The following RAPGEF6 variants were observed in gnomAD, a reference collection of about 807,000 sequenced individuals.
The protein encoded by RAPGEF6 is PDZ domain containing guanine nucleotide exchange factor (GEF) 2.
RAPGEF6 carries 56 observed loss-of-function variants against 171.4 expected under a neutral mutation model. The observed-to-expected ratio is 0.33, with a 90% CI of 0.26 to 0.41. The LOEUF (loss-of-function observed/expected upper bound fraction) is 0.41. RAPGEF6 is among the 10% of genes least tolerant of loss of function. RAPGEF6 has a pLI of 1.00. For synonymous variants in RAPGEF6, 692 were observed against 650.1 expected, an observed-to-expected ratio of 1.06 and a Z score of -0.98; for missense variants, 1,674 against 1,921.4, an observed-to-expected ratio of 0.87 and a Z score of 2.41.
At chr5:131,543,916 G>T (rs1308403712) in intron 6 of RAPGEF6, among the ~76,000 whole-genome samples, 1 of 151,992 alleles carries the variant, frequency 6.6e-6, no homozygotes, top group Non-Finnish European at 1.5e-5. Flanking sequence ...TTTTACAAAA[G>T]AATATGAATA....
intron 14 of RAPGEF6, among the ~76,000 whole-genome samples, chr5:131,491,917 C>T (rs1391691055): frequency 1.3e-5 from 2 of 152,274 alleles, no homozygotes; most frequent in African/African-American, 4.8e-5. Flanking sequence ...GACATCATTG[C>T]TTAAGAATGT....
intron 6 of RAPGEF6, among the ~76,000 whole-genome samples, chr5:131,539,888 G>T (rs983350377): frequency 1.3e-5 from 2 of 152,188 alleles, no homozygotes; most frequent in African/African-American, 4.8e-5. Context: ...TGAAAAAGTA[G>T]ATTCTAGCGT....
intron 1 of RAPGEF6, among the ~76,000 whole-genome samples, chr5:131,621,553 A>G (rs942140990): frequency 3.3e-5 from 5 of 151,934 alleles, no homozygotes; most frequent in Middle Eastern, 3.2e-3. Context: ...TCAGCCCCCA[A>G]TGTTTTGGGA....
chr5:131,450,172 A>ATG, intron 21 of RAPGEF6: 1 of 1,036,642 alleles, frequency 9.6e-7, no homozygotes, highest in Non-Finnish European at 1.4e-6. Context: ...TCAGGAAAAA[A>ATG]TTACAGCTTA....
chr5:131,523,823 C>CAAAA (rs1336529908), intron 6 of RAPGEF6, among the ~76,000 whole-genome samples: 1 of 68,150 alleles, frequency 1.5e-5, no homozygotes, highest in Non-Finnish European at 3.9e-5. Context: ...AAACCCACCC[C>CAAAA]AAAACAAACA....
rs772557227 is a variant in RAPGEF6 at position 131,548,032 on chromosome 5, C to A, written c.495+15G>T. The A allele has an allele frequency of 6.2e-7, 1 of 1,610,734 alleles. No homozygotes were observed. Among genetic ancestry groups the A allele is most frequent in the Non-Finnish European group, 8.5e-7 (1 of 1,178,384 alleles). On this transcript the variant is annotated intron_variant, in intron 6 of 27. Transcript: ENST00000509018. ...AATTAAGGAAGATTCATGAAGTGTTCCTAAATATACTCACAGAAAGATAGC... is the reference window on the plus strand; with the variant it reads ...AATTAAGGAAGATTCATGAAGTGTTACTAAATATACTCACAGAAAGATAGC...
At chr5:131,495,299 A>G (rs1351190970) in intron 13 of RAPGEF6, among the ~76,000 whole-genome samples, 2 of 123,490 alleles carry the variant, frequency 1.6e-5, no homozygotes, top group African/African-American at 3.2e-5. Context: ...TCTCAAAAAA[A>G]AAACAAATAA....
chr5:131,433,434 G>A lies in RAPGEF6; in HGVS notation c.3970C>T (p.Pro1324Ser), dbSNP rs1313225375. The change falls in exon 25 of 28, where the codon CCT becomes TCT. Residue 1324 changes from proline (P) to serine (S), a missense_variant. Pro to Ser is a moderately conservative substitution (Grantham distance 74). Transcript: ENST00000509018. The stretch of plus-strand genomic sequence containing the variant: ...AACACAGACAATGATGCTTACCCAG[G>A]GCCATGTTGACTATGATCTCCTATC... Reference protein sequence around the residue: ...SGIGDHSQHGPGWTLLKPSLI... With the variant: ...SGIGDHSQHGSGWTLLKPSLI... 1.2e-6 allele frequency: 2 copies of A among 1,608,022 alleles called. No homozygotes were observed. Among genetic ancestry groups the A allele is most frequent in the Admixed American group, 1.7e-5 (1 of 59,998 alleles).
chr5:131,577,636 T>C (rs1451344113), intron 4 of RAPGEF6, among the ~76,000 whole-genome samples: 1 of 152,148 alleles, frequency 6.6e-6, no homozygotes, highest in Non-Finnish European at 1.5e-5. Context: ...CCTCAAACTC[T>C]ATAATCTTGA....
intron 16 of RAPGEF6, among the ~76,000 whole-genome samples, chr5:131,478,325 T>C (rs1755246003): frequency 6.6e-6 from 1 of 152,188 alleles, no homozygotes; most frequent in African/African-American, 2.4e-5. Context: ...CCAATTGTTC[T>C]CTCTGCTATC....
intron 1 of RAPGEF6, among the ~76,000 whole-genome samples, chr5:131,626,628 T>G (rs1465179533): frequency 6.6e-6 from 1 of 152,110 alleles, no homozygotes; most frequent in Non-Finnish European, 1.5e-5. Context: ...CCTTTGTCAC[T>G]AATAACTAAA....
At chr5:131,548,902 AG>A (rs1178089924) in intron 5 of RAPGEF6, among the ~76,000 whole-genome samples, 1 of 151,826 alleles carries the variant, frequency 6.6e-6, no homozygotes, top group Admixed American at 6.6e-5. Flanking sequence ...CCATTTCTAC[AG>A]GGGGAAAAAA....
chr5:131,495,506 G>C, intron 13 of RAPGEF6, 47 bp downstream of exon 13: 1 of 1,466,594 alleles, frequency 6.8e-7, no homozygotes, highest in Non-Finnish European at 9.5e-7. Context: ...CTAGTGTTGA[G>C]GGGGGACCAC....
chr5:131,508,289 C>T (rs1757498277), intron 8 of RAPGEF6, 82 bp from the exon 9 acceptor site: 1 of 1,274,454 alleles, frequency 7.8e-7, no homozygotes, highest in Non-Finnish European at 1.1e-6. Context: ...ATTCAATTCC[C>T]AATTTCACAA....
intron 1 of RAPGEF6, among the ~76,000 whole-genome samples, chr5:131,626,239 A>AT (rs1182228635): frequency 6.6e-6 from 1 of 151,936 alleles, no homozygotes; most frequent in Non-Finnish European, 1.5e-5. Flanking sequence ...CTTTCAGACA[A>AT]TTTTTCGTAA....
rs535293311 is a variant in RAPGEF6, at chr5:131,606,499, TATAAAA to T, written c.70-1812_70-1807del. Among the ~76,000 whole-genome samples the T allele has an allele frequency of 3.2e-3, 485 of 152,242 alleles. 2 individuals carry two copies. The highest frequency in any genetic ancestry group is 0.011 in the African/African-American group (471 of 41,540). Reference sequence around the variant, plus strand: ...TAACAGTGAAAAAGATATTTAAGTATATAAAAATAAAGATTTGAATAGGTTAAAAGA... The same window carrying T: ...TAACAGTGAAAAAGATATTTAAGTATATAAAGATTTGAATAGGTTAAAAGA... On this transcript the variant is annotated intron_variant, in intron 1 of 27. Coordinates refer to ENST00000509018, the MANE Select transcript of RAPGEF6 (RefSeq NM_016340.6).
At chr5:131,506,826 C>T (rs1045676939) in intron 9 of RAPGEF6, among the ~76,000 whole-genome samples, 2 of 151,940 alleles carry the variant, frequency 1.3e-5, no homozygotes, top group Non-Finnish European at 2.9e-5. Context: ...AATCCCACTC[C>T]ATTCAGTTGT....
chr5:131,486,054 TG>T (rs1755866118), intron 15 of RAPGEF6, among the ~76,000 whole-genome samples: 1 of 152,242 alleles, frequency 6.6e-6, no homozygotes, highest in South Asian at 2.1e-4. Flanking sequence ...GGGCCAAAAC[TG>T]TAAGTTTTTC....
intron 6 of RAPGEF6, among the ~76,000 whole-genome samples, chr5:131,524,609 TGAGAGAGAGAGAGAGA>T (rs55956395): frequency 4.4e-5 from 6 of 135,016 alleles, no homozygotes; most frequent in Admixed American, 7.2e-5. Context: ...AGAGAGAGAT[TGAGAGAGAGAGAGAGA>T]GAGAGAGAGA....
Sources: allele counts gnomAD v4.1 joint callset (sites outside exome capture counted in the v4.1 genomes callset), GRCh38; gene constraint gnomAD v4.1.1; transcripts MANE v1.5; gene names NCBI Gene and HGNC (gene_info 2026-07-23, HGNC 2026-07-21).